The following KAZN variants were observed in gnomAD, a reference collection of about 807,000 sequenced individuals.
The protein encoded by KAZN is kazrin.
KAZN carries 40 observed loss-of-function variants against 87.4 expected under a neutral mutation model. The observed-to-expected ratio is 0.46, with a 90% CI of 0.36 to 0.60. The LOEUF is 0.60. KAZN is among the 20% of genes least tolerant of loss of function. The probability of loss-of-function intolerance (pLI) is 0.00; values close to 1 mark genes in which losing one functional copy is unlikely to be tolerated. For missense variants in KAZN, 898 were observed against 1,073.9 expected (o/e 0.84, Z 2.29); for synonymous variants, 466 against 458.3 (o/e 1.02, Z -0.22).
intron 2 of KAZN, among the ~76,000 whole-genome samples, chr1:14,477,719 C>T (rs1418908075): frequency 6.6e-6 from 1 of 152,182 alleles, no homozygotes; most frequent in Middle Eastern, 3.4e-3. Flanking sequence ...AAAGAAGTGC[C>T]CTGGGGTGAA....
chr1:14,677,746 G>A (rs1640316559), intron 1 of KAZN, among the ~76,000 whole-genome samples: 1 of 152,172 alleles, frequency 6.6e-6, no homozygotes, highest in African/African-American at 2.4e-5. Flanking sequence ...GAGAGACCGA[G>A]GATGTGGCCT....
At chr1:14,317,339 T>C (rs982123897) in intron 2 of KAZN, among the ~76,000 whole-genome samples, 15 of 151,996 alleles carry the variant, frequency 9.9e-5, no homozygotes, top group Admixed American at 9.2e-4. Flanking sequence ...ATATAGCTAC[T>C]GTAGCTTTCT....
At chr1:13,967,674 G>A (rs1641993530) in intron 1 of KAZN, among the ~76,000 whole-genome samples, 1 of 152,220 alleles carries the variant, frequency 6.6e-6, no homozygotes. Context: ...AGTAGGAGAA[G>A]TGCCTTCATA....
intron 1 of KAZN, among the ~76,000 whole-genome samples, chr1:14,827,009 A>C (rs1022478471): frequency 6.6e-6 from 1 of 152,080 alleles, no homozygotes; most frequent in Non-Finnish European, 1.5e-5. Flanking sequence ...CACCTATTGG[A>C]GCTGCCGTGA....
intron 8 of KAZN, among the ~76,000 whole-genome samples, chr1:15,075,303 G>A (rs1245456293): frequency 6.6e-6 from 1 of 152,194 alleles, no homozygotes; most frequent in African/African-American, 2.4e-5. Flanking sequence ...CCCTGGGTCA[G>A]TAAGTTTTGG....
intron 2 of KAZN, among the ~76,000 whole-genome samples, chr1:14,323,159 A>T (rs1237761717): frequency 1.3e-5 from 2 of 152,024 alleles, no homozygotes; most frequent in Non-Finnish European, 2.9e-5. Context: ...TATGGGGATT[A>T]CAATTCAAGA....
At chr1:13,977,341 A>T (rs748278869) in intron 1 of KAZN, among the ~76,000 whole-genome samples, 3 of 152,230 alleles carry the variant, frequency 2.0e-5, no homozygotes, top group Non-Finnish European at 4.4e-5. Context: ...AGTTTCTCAT[A>T]TGTAAAATGA....
chr1:14,349,259 A>C (rs565444195), intron 2 of KAZN: 20 of 152,354 alleles, frequency 1.3e-4, no homozygotes, highest in African/African-American at 4.8e-4. Context: ...GCCTTGGAGG[A>C]TGAGGACTCA....
chr1:14,643,970 T>C (rs1351113407), intron 1 of KAZN, among the ~76,000 whole-genome samples: 1 of 151,934 alleles, frequency 6.6e-6, no homozygotes, highest in Non-Finnish European at 1.5e-5. Flanking sequence ...TGTGTCTTCT[T>C]TTGAAAAATG....
chr1:13,979,862 C>G (rs1165847538), intron 1 of KAZN, among the ~76,000 whole-genome samples: 1 of 143,382 alleles, frequency 7.0e-6, no homozygotes, highest in Admixed American at 7.5e-5. Context: ...ACCCTGGAGG[C>G]AGAGCTTGCA....
chr1:14,415,015 G>T (rs1664631785), intron 2 of KAZN, among the ~76,000 whole-genome samples: 2 of 152,072 alleles, frequency 1.3e-5, no homozygotes, highest in South Asian at 4.1e-4. Context: ...GATACAGTGA[G>T]ACTGCATCTC....
intron 2 of KAZN, among the ~76,000 whole-genome samples, chr1:14,562,818 C>A (rs1486475406): frequency 6.6e-6 from 1 of 152,230 alleles, no homozygotes; most frequent in South Asian, 2.1e-4. Flanking sequence ...TCCCACACAT[C>A]CACATGGCAG....
chr1:14,218,066 C>T (rs1450311042), intron 2 of KAZN, among the ~76,000 whole-genome samples: 1 of 152,044 alleles, frequency 6.6e-6, no homozygotes, highest in Admixed American at 6.6e-5. Flanking sequence ...GAGTTATTAA[C>T]ATACAGCTTG....
At chr1:14,332,519 C>A (rs1385970174) in intron 2 of KAZN, among the ~76,000 whole-genome samples, 1 of 152,184 alleles carries the variant, frequency 6.6e-6, no homozygotes, top group Non-Finnish European at 1.5e-5. Context: ...GGTTCTTTTG[C>A]TACTCACCAT....
chr1:14,713,318 G>A (rs989877565), intron 1 of KAZN, among the ~76,000 whole-genome samples: 2 of 152,204 alleles, frequency 1.3e-5, no homozygotes, highest in Non-Finnish European at 2.9e-5. Flanking sequence ...CCACGTCCAG[G>A]TGTGAAGAAC....
intron 1 of KAZN, among the ~76,000 whole-genome samples, chr1:14,034,087 A>T (rs1641439809): frequency 6.6e-6 from 1 of 152,216 alleles, no homozygotes; most frequent in Non-Finnish European, 1.5e-5. Flanking sequence ...CTATACTAAG[A>T]ATGTCATCTA....
rs950161426 is a variant in KAZN at position 13,923,068 on chromosome 1, G to A, written c.91+29312G>A. Reference sequence around the variant, plus strand: ...TGACCTGGAGCAACCTGGGGATTAGGATTACTGACATCTTCCTCCTGGACA... The same window carrying A: ...TGACCTGGAGCAACCTGGGGATTAGAATTACTGACATCTTCCTCCTGGACA... On this transcript the variant is annotated intron_variant, in intron 1 of 16. Coordinates refer to the KAZN transcript ENST00000636203. Among the ~76,000 whole-genome samples, 5 of 150,910 alleles carry A rather than the reference G, an allele frequency of 3.3e-5. No homozygotes were observed. The South Asian group carries it at 1.1e-3, about 32-fold the overall frequency.
chr1:14,168,456 C>T (rs72474551), intron 1 of KAZN, among the ~76,000 whole-genome samples: 3 of 111,540 alleles, frequency 2.7e-5, no homozygotes, highest in African/African-American at 1.1e-4. Flanking sequence ...ATTGACACTT[C>T]TCTGCTCTTC....
At chr1:14,560,140 G>A (rs1177730108) in intron 2 of KAZN, among the ~76,000 whole-genome samples, 1 of 152,054 alleles carries the variant, frequency 6.6e-6, no homozygotes, top group East Asian at 1.9e-4. Flanking sequence ...TAAGAAGGTG[G>A]CCACCCCATA....
Sources: allele counts gnomAD v4.1 joint callset (sites outside exome capture counted in the v4.1 genomes callset), GRCh38; gene constraint gnomAD v4.1.1; transcripts MANE v1.5; gene names NCBI Gene and HGNC (gene_info 2026-07-23, HGNC 2026-07-21).